Variants in CDH18 observed in about 807,000 individuals in gnomAD.
CDH18 encodes the protein cadherin-18.
In CDH18, 31 loss-of-function variants were observed where a neutral mutation model predicts 67.9. The ratio of observed to expected loss-of-function variants is 0.46; its 90% CI spans 0.34 to 0.62. The LOEUF is 0.62. Ranked by LOEUF, CDH18 falls within the 20% of genes least tolerant of loss-of-function variation. CDH18 has a pLI of 0.01. For missense variants in CDH18, 890 were observed against 975.5 expected (o/e 0.91, Z 1.17); for synonymous variants, 362 against 347.2 (o/e 1.04, Z -0.48).
Position 19,503,089 on chromosome 5 carries a change from G to A in CDH18, c.1533C>T (p.Ala511=). Residue 511 remains alanine, a synonymous_variant, in exon 11 of 13, where the codon GCC becomes GCT. Coordinates refer to ENST00000382275, the MANE Select transcript of CDH18 (RefSeq NM_004934.5). ...CATTGGCAAAATCATCTTTATCAGT[G>A]GCACTGATGGTATGAATAACCTAAA... The part of the protein sequence containing the change: ...KPGQVIHTIS[A]TDKDDFANGP... The A allele has an allele frequency of 1.3e-6, 2 of 1,593,712 alleles. No individual in the cohort carries two copies. Among genetic ancestry groups the A allele is most frequent in the Non-Finnish European group, 1.7e-6 (2 of 1,161,906 alleles).
At chr5:19,860,519 T>TA (rs1377291227) in intron 2 of CDH18, among the ~76,000 whole-genome samples, 2 of 151,718 alleles carry the variant, frequency 1.3e-5, no homozygotes, top group Non-Finnish European at 2.9e-5. Context: ...ATTTACTTTT[T>TA]AAAAAAATAC....
At chr5:20,186,727 T>A (rs1272873044) in intron 2 of CDH18, among the ~76,000 whole-genome samples, 2 of 144,648 alleles carry the variant, frequency 1.4e-5, no homozygotes, top group Admixed American at 7.1e-5. Flanking sequence ...GTAGTCACTT[T>A]GGAAAATGAT....
intron 1 of CDH18, among the ~76,000 whole-genome samples, chr5:20,489,472 A>G (rs1243600644): frequency 6.6e-6 from 1 of 152,054 alleles, no homozygotes. Flanking sequence ...GGATAATTAT[A>G]TCCTTCATAC....
intron 2 of CDH18, among the ~76,000 whole-genome samples, chr5:19,924,580 C>G (rs930867038): frequency 6.6e-6 from 1 of 152,084 alleles, no homozygotes; most frequent in African/African-American, 2.4e-5. Context: ...GAGCCCAGAT[C>G]GCAGCACTGC....
intron 1 of CDH18, among the ~76,000 whole-genome samples, chr5:20,342,007 G>T (rs1267151672): frequency 6.6e-6 from 1 of 152,096 alleles, no homozygotes; most frequent in African/African-American, 2.4e-5. Flanking sequence ...CTGTCTCCTC[G>T]CTTCAGAAGC....
chr5:20,411,734 A>G lies in CDH18; in HGVS notation c.-579-156229T>C, dbSNP rs149958120. Among the ~76,000 whole-genome samples, 648 of 152,152 alleles carry G rather than the reference A, an allele frequency of 4.3e-3. 2 individuals carry two copies. Among genetic ancestry groups the G allele is most frequent in the Non-Finnish European group, 6.7e-3 (457 of 67,936 alleles). On this transcript the variant is annotated intron_variant, in intron 1 of 14. Transcript: ENST00000507958. The stretch of plus-strand genomic sequence containing the variant: ...TAAGGAGTTAATTTCTATCCAAAAC[A>G]TATAAGGAATTCCTATAACTGAATA...
intron 2 of CDH18, among the ~76,000 whole-genome samples, chr5:19,911,567 T>C (rs1182398458): frequency 2.0e-5 from 3 of 151,854 alleles, no homozygotes; most frequent in Non-Finnish European, 4.4e-5. Flanking sequence ...ATGATGATAA[T>C]AGTTCCCAAA....
At chr5:20,201,374 T>C (rs1320214624) in intron 2 of CDH18, among the ~76,000 whole-genome samples, 1 of 152,146 alleles carries the variant, frequency 6.6e-6, no homozygotes, top group East Asian at 1.9e-4. Context: ...CATTCCTATT[T>C]ATGGATGGTT....
chr5:19,959,966 A>C (rs1450557299), intron 2 of CDH18, among the ~76,000 whole-genome samples: 1 of 152,128 alleles, frequency 6.6e-6, no homozygotes, highest in Admixed American at 6.6e-5. Context: ...TATAAAACAT[A>C]AGAAATGATG....
chr5:20,201,665 A>G (rs1739459131), intron 2 of CDH18, among the ~76,000 whole-genome samples: 1 of 152,304 alleles, frequency 6.6e-6, no homozygotes, highest in African/African-American at 2.4e-5. Flanking sequence ...ACATGAATAA[A>G]AGAACATTAT....
intron 1 of CDH18, among the ~76,000 whole-genome samples, chr5:20,403,021 A>AC (rs1491439355): frequency 5.2e-4 from 4 of 7,680 alleles, no homozygotes; most frequent in Non-Finnish European, 1.3e-3. Flanking sequence ...CTAAAAATAC[A>AC]AAAAAAAAAA....
chr5:19,801,171 C>T (rs749804751), intron 3 of CDH18, among the ~76,000 whole-genome samples: 2 of 151,916 alleles, frequency 1.3e-5, no homozygotes, highest in African/African-American at 2.4e-5. Context: ...GGCATGAAGA[C>T]GTGTAGAGAA....
intron 9 of CDH18, among the ~76,000 whole-genome samples, chr5:19,533,459 A>C (rs1014804938): frequency 6.6e-6 from 1 of 152,204 alleles, no homozygotes; most frequent in Non-Finnish European, 1.5e-5. Flanking sequence ...GGAGCTTTTC[A>C]GTCAAAAGAA....
At chr5:20,421,813 A>G (rs975454185) in intron 1 of CDH18, among the ~76,000 whole-genome samples, 2 of 147,468 alleles carry the variant, frequency 1.4e-5, no homozygotes, top group Admixed American at 6.9e-5. Flanking sequence ...TAAATTATAT[A>G]TGTATATATC....
intron 2 of CDH18, among the ~76,000 whole-genome samples, chr5:20,199,761 C>T (rs978777131): frequency 6.6e-6 from 1 of 152,166 alleles, no homozygotes; most frequent in East Asian, 1.9e-4. Context: ...TGGGAAGAAC[C>T]CAATAGGAGG....
chr5:19,999,713 A>G (rs1006355273), intron 2 of CDH18, among the ~76,000 whole-genome samples: 1 of 152,202 alleles, frequency 6.6e-6, no homozygotes, highest in African/African-American at 2.4e-5. Context: ...ATGAGAAAAC[A>G]GTGCAAAATG....
intron 2 of CDH18, among the ~76,000 whole-genome samples, chr5:20,052,648 T>C (rs1741535867): frequency 1.3e-5 from 2 of 152,112 alleles, no homozygotes; most frequent in Admixed American, 1.3e-4. Flanking sequence ...AGGTGATTGG[T>C]ATATAAATTT....
At chr5:20,035,985 A>AT (rs970640364) in intron 2 of CDH18, among the ~76,000 whole-genome samples, 2 of 151,770 alleles carry the variant, frequency 1.3e-5, no homozygotes, top group African/African-American at 2.4e-5. Context: ...GGTTTTAGTC[A>AT]TTTTTTGTTG....
intron 3 of CDH18, among the ~76,000 whole-genome samples, chr5:19,798,625 C>T (rs932591204): frequency 2.6e-5 from 4 of 152,004 alleles, no homozygotes; most frequent in African/African-American, 9.6e-5. Flanking sequence ...CAAAAAGTTA[C>T]CATTTATCTC....
Sources: allele counts gnomAD v4.1 joint callset (sites outside exome capture counted in the v4.1 genomes callset), GRCh38; gene constraint gnomAD v4.1.1; transcripts MANE v1.5; gene names NCBI Gene and HGNC (gene_info 2026-07-23, HGNC 2026-07-21).